Variants in HECW1 observed in about 807,000 individuals in gnomAD.
HECW1 encodes E3 ubiquitin-protein ligase HECW1.
HECW1 carries 61 observed loss-of-function variants against 182.3 expected under a neutral mutation model. That is an observed-to-expected ratio of 0.33 (90% CI 0.27 to 0.41). The LOEUF (loss-of-function observed/expected upper bound fraction) is 0.41, where lower values mean the gene tolerates loss of function less well. HECW1 is among the 10% of genes least tolerant of loss of function. The probability of loss-of-function intolerance (pLI) is 1.00; values close to 1 mark genes in which losing one functional copy is unlikely to be tolerated. For synonymous variants in HECW1, 859 were observed against 832.6 expected, an observed-to-expected ratio of 1.03 and a Z score of -0.55; for missense variants, 1,739 against 2,108.9, an observed-to-expected ratio of 0.82 and a Z score of 3.44.
chr7:43,177,205 C>T (rs1160014111), intron 2 of HECW1, among the ~76,000 whole-genome samples: 1 of 152,142 alleles, frequency 6.6e-6, no homozygotes, highest in East Asian at 1.9e-4. Flanking sequence ...CTCTCTCACA[C>T]ATTTGGGATT....
Position 43,456,361 on chromosome 7 carries a change from C to T in HECW1, c.2565C>T (p.Thr855=), listed in dbSNP as rs1258611347. The change falls in exon 13 of 30, where the codon ACC becomes ACT. Residue 855 remains threonine, a synonymous_variant. Transcript: ENST00000395891. ...VFYVDHVNRT[T]TWQRPTAAAT... ...ATGTGGACCACGTGAACCGCACAAC[C>T]ACCTGGCAGCGTCCGACGGCAGCAG... 2.5e-6 allele frequency: 4 copies of T among 1,614,018 alleles called. No homozygotes were observed. The South Asian group carries it at 3.3e-5, about 13-fold the overall frequency.
Position 43,243,975 on chromosome 7 carries a change from C to G in HECW1, c.27+43C>G. On this transcript the variant is annotated intron_variant, in intron 3 of 29. Coordinates refer to ENST00000395891, the MANE Select transcript of HECW1 (RefSeq NM_015052.5). This position sits in a 1 kb window ranked among gnomAD's most constrained non-coding sequence, Gnocchi z 4.0. ...ATTATAAGAAACCATCCATGTCATT[C>G]CATTATAAACCCACTCCACTCATAA... 5 of 1,440,628 alleles carry G rather than the reference C, an allele frequency of 3.5e-6. No individual in the cohort carries two copies. Among genetic ancestry groups the G allele is most frequent in the Non-Finnish European group, 3.9e-6 (4 of 1,021,482 alleles). The allele number at this position is 1,440,628 out of a possible 1,614,324, so 89.2% of individuals were successfully genotyped here.
At chr7:43,506,764 A>G (rs1249008169) in intron 21 of HECW1, among the ~76,000 whole-genome samples, 1 of 152,168 alleles carries the variant, frequency 6.6e-6, no homozygotes, top group Non-Finnish European at 1.5e-5. Flanking sequence ...TCTACTAAAA[A>G]TACAAAAATT....
At chr7:43,508,173 G>A (rs1205590267) in intron 23 of HECW1, 42 bp downstream of exon 23, 4 of 1,381,818 alleles carry the variant, frequency 2.9e-6, no homozygotes, top group South Asian at 2.3e-5. Context: ...AAGCAAGGGT[G>A]GGCCAGAGCC....
chr7:43,488,480 G>GAAAGAAAGAGAAAGAAAGAAAGAAAAGA (rs1554440657), intron 17 of HECW1, among the ~76,000 whole-genome samples: 1 of 147,670 alleles, frequency 6.8e-6, no homozygotes, highest in Non-Finnish European at 1.5e-5. Context: ...AAGAAAGAAA[G>GAAAGAAAGAGAAAGAAAGAAAGAAAAGA]AAAGAAAGAG....
intron 13 of HECW1, among the ~76,000 whole-genome samples, chr7:43,462,065 G>A (rs75702545): frequency 9.2e-4 from 140 of 152,234 alleles, no homozygotes; most frequent in African/African-American, 3.1e-3. Context: ...AGGAAAGAGC[G>A]GGGCACTGGT....
At chr7:43,191,719 T>A (rs192296734) in intron 2 of HECW1, among the ~76,000 whole-genome samples, 385 of 152,354 alleles carry the variant, frequency 2.5e-3, no homozygotes, top group Non-Finnish European at 4.5e-3. Flanking sequence ...ACTTGCTAAC[T>A]CACTATGTAT....
intron 2 of HECW1, among the ~76,000 whole-genome samples, chr7:43,219,183 G>A (rs1796728913): frequency 6.6e-6 from 1 of 152,136 alleles, no homozygotes; most frequent in Non-Finnish European, 1.5e-5. Context: ...CCAGGCACAT[G>A]TAGGGGCAAG....
At chr7:43,391,544 C>T (rs2075030742) in intron 6 of HECW1, among the ~76,000 whole-genome samples, 2 of 152,334 alleles carry the variant, frequency 1.3e-5, no homozygotes, top group African/African-American at 4.8e-5. Context: ...TTGCTTTCCC[C>T]AGCCCCTTTG....
rs115277045 is a variant in HECW1 at position 43,290,526 on chromosome 7, G to T, written c.28-21237G>T. On this transcript the variant is annotated intron_variant, in intron 3 of 29. Transcript: ENST00000395891. ...GCTGTGCCTAAACTCCAGAAGGGAG[G>T]GGGTATAACGAGGCATGTCTGGCCT... 8.5e-3 allele frequency among the ~76,000 whole-genome samples: 1,293 copies of T among 152,288 alleles called. 26 individuals carry two copies. Among genetic ancestry groups the T allele is most frequent in the African/African-American group, 0.029 (1,217 of 41,544 alleles).
chr7:43,362,989 T>C (rs1288740935), intron 6 of HECW1, among the ~76,000 whole-genome samples: 1 of 152,230 alleles, frequency 6.6e-6, no homozygotes, highest in African/African-American at 2.4e-5. Context: ...TGGCCAGCCC[T>C]GGAATTCAAA....
At chr7:43,428,268 C>T (rs143199948) in intron 8 of HECW1, among the ~76,000 whole-genome samples, 122 of 152,308 alleles carry the variant, frequency 8.0e-4, no homozygotes, top group African/African-American at 2.7e-3. Flanking sequence ...TGCAGTCTAG[C>T]ATGCATAAAG....
intron 2 of HECW1, among the ~76,000 whole-genome samples, chr7:43,152,752 G>A (rs1210582374): frequency 6.6e-6 from 1 of 152,136 alleles, no homozygotes; most frequent in Non-Finnish European, 1.5e-5. Context: ...ATCAATTGGT[G>A]GAGCTCACTT....
intron 7 of HECW1, among the ~76,000 whole-genome samples, chr7:43,403,934 C>G (rs1044476886): frequency 6.6e-6 from 1 of 152,004 alleles, no homozygotes; most frequent in South Asian, 2.1e-4. Flanking sequence ...ATCACCAGAA[C>G]CAAAAAATAC....
At chr7:43,181,451 C>T (rs966896430) in intron 2 of HECW1, among the ~76,000 whole-genome samples, 1 of 151,004 alleles carries the variant, frequency 6.6e-6, no homozygotes, top group Non-Finnish European at 1.5e-5. Context: ...CAAATTTACA[C>T]TTCCACCAAC....
chr7:43,450,841 A>G lies in HECW1; in HGVS notation c.2412A>G (p.Ile804Met). 6.2e-7 allele frequency: 1 copy of G among 1,606,784 alleles called. No homozygotes were observed. Among genetic ancestry groups the G allele is most frequent in the Non-Finnish European group, 8.5e-7 (1 of 1,173,360 alleles). ...TCTTGTCCGTAGGTGAATGTCCTATACTCCATAATTCCCAGCCAGTAAGCC... is the reference window on the plus strand; with the variant it reads ...TCTTGTCCGTAGGTGAATGTCCTATGCTCCATAATTCCCAGCCAGTAAGCC... ...PSNRREGECP[I>M]LHNSQPVSQL... The change falls in exon 12 of 30, where the codon ATA becomes ATG. Residue 804 changes from isoleucine to methionine, a missense_variant. This residue lies in a region of HECW1 where 971 missense variants were observed against 1,029.1 expected (regional missense o/e 0.94). Transcript: ENST00000395891.
At chr7:43,493,301 G>A (rs1238709664) in intron 19 of HECW1, 121 bp downstream of exon 19, 1 of 615,736 alleles carries the variant, frequency 1.6e-6, no homozygotes, top group Admixed American at 3.3e-5. Context: ...GCATTTAAAT[G>A]AGAACTTGAA....
rs1451573543 is a variant in HECW1, at chr7:43,243,753, C to T, written c.-31-122C>T. 1.9e-5 allele frequency: 14 copies of T among 753,302 alleles called. No individual in the cohort carries two copies. Among genetic ancestry groups the T allele is most frequent in the Non-Finnish European group, 3.4e-5 (14 of 413,342 alleles). 46.7% of individuals were successfully genotyped at this position (753,302 alleles called of 1,614,324 possible). On this transcript the variant is annotated intron_variant, in intron 2 of 29. Transcript: ENST00000395891. The surrounding 1 kb of genome is among the most constrained non-coding windows in gnomAD (Gnocchi z 4.0). Reference sequence around the variant, plus strand: ...TTGTGTGATTTTTCCTTTTGCACGTCGGTTGCCCAGGCCAGGTATCTTGGC... The same window carrying T: ...TTGTGTGATTTTTCCTTTTGCACGTTGGTTGCCCAGGCCAGGTATCTTGGC...
chr7:43,265,385 T>C (rs1178529886), intron 3 of HECW1, among the ~76,000 whole-genome samples: 3 of 152,292 alleles, frequency 2.0e-5, no homozygotes, highest in East Asian at 3.9e-4. Flanking sequence ...TCCTGCCTTG[T>C]GCTGGGTAGC....
Sources: gnomAD v4.1 joint callset for allele counts (sites outside exome capture counted in the v4.1 genomes callset) on GRCh38, gnomAD v4.1.1 for gene constraint, gnomAD v4.1.1 regional missense constraint, Gnocchi (gnomAD v3.1) non-coding constraint, MANE v1.5 for transcripts, NCBI Gene and HGNC (gene_info 2026-07-23, HGNC 2026-07-21) for gene names.